MYBPC2: variants seen among roughly 807,000 people sequenced by gnomAD.
MYBPC2 encodes myosin binding protein C2, also known as myosin-binding protein C, fast-type.
A neutral mutation model predicts 137.0 loss-of-function variants in MYBPC2; 122 were observed. The ratio of observed to expected loss-of-function variants is 0.89; its 90% CI spans 0.77 to 1.03. MYBPC2 has a LOEUF of 1.03. Among genes scored for constraint, MYBPC2 ranks in the 50% least tolerant of loss-of-function variants. MYBPC2 has a pLI of 0.00. For synonymous variants in MYBPC2, 626 were observed against 612.3 expected (o/e 1.02, Z -0.33); for missense variants, 1,500 against 1,534.4 (o/e 0.98, Z 0.37).
chr19:50,452,153 C>T, intron 16 of MYBPC2, 150 bp downstream of exon 16: 2 of 892,660 alleles, frequency 2.2e-6, no homozygotes, highest in Admixed American at 5.2e-5. Context: ...GTTTGTCCAT[C>T]ACAGGTATGG....
Position 50,435,745 on chromosome 19 carries a change from C to A in MYBPC2, c.110-31C>A, listed in dbSNP as rs1054216416. ...TGTCCCCTCCCCAGCCTATCTCAGA[C>A]CTCCTCATCCTAATCCTGTCCCCTG... is the stretch of plus-strand genomic sequence containing the variant. On this transcript the variant is annotated intron_variant, in intron 2 of 27. Transcript: ENST00000357701. The surrounding 1 kb of genome is among the most constrained non-coding windows in gnomAD (Gnocchi z 4.8). 2 of 1,563,810 alleles carry A rather than the reference C, an allele frequency of 1.3e-6. No homozygotes were observed. The highest frequency in any genetic ancestry group is 2.3e-5 in the East Asian group (1 of 43,754).
rs1283704422 is a variant in MYBPC2, at chr19:50,465,823, G to C, written c.3416-372G>C. ...TGGCACCACTGCACTCCAGCCTGGTGCAACAGAGTGAGACTCTGTCTCAAA... is the reference window on the plus strand; with the variant it reads ...TGGCACCACTGCACTCCAGCCTGGTCCAACAGAGTGAGACTCTGTCTCAAA... On this transcript the variant is annotated intron_variant, in intron 27 of 27. Coordinates refer to ENST00000357701, the MANE Select transcript of MYBPC2 (RefSeq NM_004533.4). This position sits in a 1 kb window ranked among gnomAD's most constrained non-coding sequence, Gnocchi z 4.5. 6.6e-6 allele frequency among the ~76,000 whole-genome samples: 1 copy of C among 152,096 alleles called. No homozygotes were observed. Among genetic ancestry groups the C allele is most frequent in the Non-Finnish European group, 1.5e-5 (1 of 68,000 alleles).
At chr19:50,448,981 C>T (rs557497613) in intron 13 of MYBPC2, among the ~76,000 whole-genome samples, 3 of 151,976 alleles carry the variant, frequency 2.0e-5, no homozygotes, top group Admixed American at 6.6e-5. Context: ...CCACCCACCT[C>T]GGCCTCCCAA....
Position 50,458,572 on chromosome 19 carries a change from G to A in MYBPC2, c.2339-15G>A. ...AGGAGGGCACGAGATCCGCCAGCAG[G>A]GCCTCTCTCTCCAGCCGAGGAATGG... On this transcript the variant is annotated splice_polypyrimidine_tract_variant and intron_variant, in intron 20 of 27. Transcript: ENST00000357701. The A allele has an allele frequency of 6.2e-7, 1 of 1,609,692 alleles. No individual in the cohort carries two copies. The highest frequency in any genetic ancestry group is 8.5e-7 in the Non-Finnish European group (1 of 1,179,612).
chr19:50,451,392 T>G, intron 15 of MYBPC2, 83 bp downstream of exon 15: 2 of 1,428,414 alleles, frequency 1.4e-6, no homozygotes, highest in South Asian at 1.2e-5. Flanking sequence ...CGAGGGAGGA[T>G]AGGCAGGGCG....
chr19:50,457,387 C>T (rs374347141), intron 20 of MYBPC2, among the ~76,000 whole-genome samples: 32 of 152,306 alleles, frequency 2.1e-4, no homozygotes, highest in African/African-American at 6.3e-4. Flanking sequence ...GGGCATGTAA[C>T]GAAAAGCAGG....
At chr19:50,447,767 G>A (rs2039818690) in intron 12 of MYBPC2, among the ~76,000 whole-genome samples, 2 of 152,124 alleles carry the variant, frequency 1.3e-5, no homozygotes, top group Admixed American at 1.3e-4. Flanking sequence ...TGAGGCAGGA[G>A]TATCACTTGT....
At chr19:50,443,440 C>A in intron 9 of MYBPC2, 54 bp from the exon 10 acceptor site, 1 of 1,590,718 alleles carries the variant, frequency 6.3e-7, no homozygotes, top group South Asian at 1.1e-5. Flanking sequence ...CAGAGCTACC[C>A]CAGGGATAGG....
At position 50,444,132 on chromosome 19, in the gene MYBPC2, GTCCATCCATCCA is replaced by G. The variant is rs3087049; in HGVS notation, c.1133+355_1133+366del. 2.5e-4 allele frequency among the ~76,000 whole-genome samples: 36 copies of G among 144,596 alleles called. 1 individual carries two copies. Among genetic ancestry groups the G allele is most frequent in the South Asian group, 9.3e-4 (4 of 4,318 alleles). The allele number at this position is 144,596 out of a possible 152,430, so 94.9% of individuals were successfully genotyped here. A position where few individuals can be genotyped will look rare whatever the true frequency, so the allele number is the denominator to read the frequency against. ...ATCCAGGTATCCACTCATCCACCCA[GTCCATCCATCCA>G]TCCATCCATCCATCCATCCATCCAT... On this transcript the variant is annotated intron_variant, in intron 11 of 27. Transcript: ENST00000357701.
At chr19:50,433,256 C>G (rs1199406957) in intron 1 of MYBPC2, among the ~76,000 whole-genome samples, 1 of 151,742 alleles carries the variant, frequency 6.6e-6, no homozygotes, top group African/African-American at 2.4e-5. Flanking sequence ...CTTCACTCAG[C>G]AGGGAGGGTG....
chr19:50,442,186 A>G lies in MYBPC2; in HGVS notation c.775A>G (p.Thr259Ala), dbSNP rs752324273. The change falls in exon 9 of 28, where the codon ACA becomes GCA. Residue 259 changes from threonine to alanine, a missense_variant. Thr to Ala is a moderately conservative substitution (Grantham distance 58). Transcript: ENST00000357701. ...TTGCATGCCTCAATCTTCAGCATTC[A>G]CAAAGAAGCTGGATCCAGCCTACCA... ...KVEVKKSAAF[T>A]KKLDPAYQVD... is the part of the protein sequence containing the mutation. 1 of 1,591,674 alleles carries G rather than the reference A, an allele frequency of 6.3e-7. No homozygotes were observed. Among genetic ancestry groups the G allele is most frequent in the Admixed American group, 1.8e-5 (1 of 56,296 alleles).
In MYBPC2 at chr19:50,442,258, C is replaced by A; in HGVS notation, c.847C>A (p.Pro283Thr). The change falls in exon 9 of 28, where the codon CCA (proline) becomes ACA (threonine). Residue 283 changes from proline to threonine, a missense_variant. Pro to Thr is a conservative substitution (Grantham distance 38). Coordinates refer to ENST00000357701, the MANE Select transcript of MYBPC2 (RefSeq NM_004533.4). ...CAAGTTGATGGTAGAGATCAGCGAC[C>A]CAGACCTGACCCTCAAGTGGTTCAA... is the stretch of plus-strand genomic sequence containing the variant. ...KIKLMVEISD[P>T]DLTLKWFKNG... is the part of the protein sequence containing the mutation. 3 of 1,606,266 alleles carry A rather than the reference C, an allele frequency of 1.9e-6. No individual in the cohort carries two copies. Among genetic ancestry groups the A allele is most frequent in the East Asian group, 4.5e-5 (2 of 44,616 alleles).
In MYBPC2 at chr19:50,465,975, G is replaced by A. The variant is rs1194846347; in HGVS notation, c.3416-220G>A. On this transcript the variant is annotated intron_variant, in intron 27 of 27. Transcript: ENST00000357701. This position sits in a 1 kb window ranked among gnomAD's most constrained non-coding sequence, Gnocchi z 4.5. ...CCAGCCTCAGGATTCCAGTGACCGC[G>A]TACAGCCAGCAGCTCAGAATGTCCC... Among the ~76,000 whole-genome samples, 5 of 152,108 alleles carry A rather than the reference G, an allele frequency of 3.3e-5. No homozygotes were observed. The highest frequency in any genetic ancestry group is 4.8e-5 in the African/African-American group (2 of 41,408).
At position 50,455,516 on chromosome 19, in the gene MYBPC2, C is replaced by A. The variant is rs201993299; in HGVS notation, c.2210C>A (p.Thr737Lys). 2.9e-5 allele frequency: 47 copies of A among 1,613,098 alleles called. No individual in the cohort carries two copies. The Admixed American group carries it at 7.3e-4, about 25-fold the overall frequency. The change falls in exon 20 of 28, where the codon ACG becomes AAG. Residue 737 changes from threonine to lysine, a missense_variant. Coordinates refer to ENST00000357701, the MANE Select transcript of MYBPC2 (RefSeq NM_004533.4). ...NTKPFMPIAP[T>K]SEPLHLIVED... The stretch of plus-strand genomic sequence containing the variant: ...TTTTTCTGGATGCTTGCAGCACCCA[C>A]GAGTGAACCCCTGCACCTGATAGTG...
chr19:50,459,611 A>G (rs1051738767), intron 23 of MYBPC2, among the ~76,000 whole-genome samples: 2 of 27,062 alleles, frequency 7.4e-5, no homozygotes, highest in Non-Finnish European at 1.2e-4. Flanking sequence ...GATGGGGGGT[A>G]GGAGAGGAGG....
At position 50,461,538 on chromosome 19, in the gene MYBPC2, C is replaced by G. The variant is rs970259303; in HGVS notation, c.2932-4C>G. 1 of 1,613,086 alleles carries G rather than the reference C, an allele frequency of 6.2e-7. No individual in the cohort carries two copies. Among genetic ancestry groups the G allele is most frequent in the African/African-American group, 1.3e-5 (1 of 75,016 alleles). ...CGCCTGGTCCCTCCCTGTCCCCACA[C>G]TAGGAGTGGTTCAACGTCTATGAAC... On this transcript the variant is annotated splice_region_variant and splice_polypyrimidine_tract_variant and intron_variant, in intron 24 of 27. Coordinates refer to ENST00000357701, the MANE Select transcript of MYBPC2 (RefSeq NM_004533.4).
chr19:50,436,516 G>A, intron 4 of MYBPC2, 101 bp from the exon 5 acceptor site: 2 of 1,073,114 alleles, frequency 1.9e-6, no homozygotes, highest in Non-Finnish European at 2.8e-6. Flanking sequence ...CTGTGGGGTG[G>A]GGGTGAGGAC....
chr19:50,458,515 A>G, intron 20 of MYBPC2, 72 bp from the exon 21 acceptor site: 1 of 1,554,440 alleles, frequency 6.4e-7, no homozygotes, highest in Non-Finnish European at 8.7e-7. Flanking sequence ...GTGGGGCCCA[A>G]GTCCCCGGGA....
chr19:50,461,306 C>T (rs1019389326), intron 24 of MYBPC2, among the ~76,000 whole-genome samples: 8 of 152,150 alleles, frequency 5.3e-5, no homozygotes, highest in African/African-American at 1.9e-4. Flanking sequence ...TGCCTGACCC[C>T]TTCTTAGCGT....
Sources: gnomAD v4.1 joint callset for allele counts (sites outside exome capture counted in the v4.1 genomes callset) on GRCh38, gnomAD v4.1.1 for gene constraint, Gnocchi (gnomAD v3.1) non-coding constraint, MANE v1.5 for transcripts, NCBI Gene and HGNC (gene_info 2026-07-23, HGNC 2026-07-21) for gene names.